The following GALNT2 variants were observed in gnomAD, a reference collection of about 807,000 sequenced individuals.
The protein encoded by GALNT2 is polypeptide N-acetylgalactosaminyltransferase 2.
Under a neutral mutation model 81.4 loss-of-function variants are expected in GALNT2, and 31 were observed. That is an observed-to-expected ratio of 0.38 (90% confidence interval 0.29 to 0.51). GALNT2 has a LOEUF of 0.51. GALNT2 is among the 20% of genes least tolerant of loss of function. The pLI, the probability that GALNT2 is intolerant of heterozygous loss-of-function variation, is 0.87. For synonymous variants in GALNT2, 303 were observed against 287.4 expected (o/e 1.05, Z -0.55); for missense variants, 629 against 765.7 (o/e 0.82, Z 2.11).
At chr1:230,231,343 A>G (rs1664859145) in intron 3 of GALNT2, among the ~76,000 whole-genome samples, 1 of 152,202 alleles carries the variant, frequency 6.6e-6, no homozygotes, top group South Asian at 2.1e-4. Flanking sequence ...GTTGTCACAC[A>G]TTACACAGTA....
intron 1 of GALNT2, among the ~76,000 whole-genome samples, chr1:230,103,402 A>G (rs1660455082): frequency 6.6e-6 from 1 of 152,228 alleles, no homozygotes; most frequent in Admixed American, 6.5e-5. Flanking sequence ...ATAATTAGCC[A>G]CAGTGTTGAG....
intron 3 of GALNT2, among the ~76,000 whole-genome samples, chr1:230,213,288 C>T (rs571001812): frequency 6.6e-6 from 1 of 152,346 alleles, no homozygotes; most frequent in South Asian, 2.1e-4. Flanking sequence ...AACCTAACCA[C>T]CTCTAGACCA....
intron 1 of GALNT2, among the ~76,000 whole-genome samples, chr1:230,095,613 T>G (rs1660231342): frequency 7.9e-6 from 1 of 127,114 alleles, no homozygotes; most frequent in African/African-American, 2.7e-5. Flanking sequence ...GACTCCAGTG[T>G]CCTGTGGTGG....
At chr1:230,276,003 TATATACGTATATATACA>T (rs1666294884) in intron 15 of GALNT2, among the ~76,000 whole-genome samples, 1 of 74,632 alleles carries the variant, frequency 1.3e-5, no homozygotes, top group Non-Finnish European at 2.6e-5. Context: ...ATGCCACATA[TATATACGTATATATACA>T]TGCCACATAT....
intron 1 of GALNT2, among the ~76,000 whole-genome samples, chr1:230,114,694 T>C (rs1308602994): frequency 6.6e-6 from 1 of 152,198 alleles, no homozygotes; most frequent in Non-Finnish European, 1.5e-5. Context: ...GCTCACCTTT[T>C]AGTCTGGTCC....
At position 230,265,363 on chromosome 1, in the gene GALNT2, A is replaced by T. The variant is rs1666004244; in HGVS notation, c.1436A>T (p.Asn479Ile). The T allele has an allele frequency of 3.7e-6, 6 of 1,614,144 alleles. No homozygotes were observed. Among genetic ancestry groups the T allele is most frequent in the Non-Finnish European group, 5.1e-6 (6 of 1,180,026 alleles). Residue 479 changes from asparagine to isoleucine, a missense_variant, in exon 14 of 16, where the codon AAC (asparagine) becomes ATC (isoleucine). Asn to Ile is a moderately radical substitution (Grantham distance 149, BLOSUM62 -3). This residue lies in a region of GALNT2 where 207 missense variants were observed against 225.5 expected (regional missense o/e 0.92). Transcript: ENST00000366672. Reference protein sequence around the residue: ...GVYECHNAGGNQEWALTKEKS... With the variant: ...GVYECHNAGGIQEWALTKEKS... ...TATGAATGTCACAATGCTGGGGGAA[A>T]CCAGGTATGTGCATGGGGAAGCCAG... is the stretch of plus-strand genomic sequence containing the variant.
chr1:230,258,974 A>G (rs1220631456), intron 11 of GALNT2: 1 of 152,218 alleles, frequency 6.6e-6, no homozygotes, highest in East Asian at 1.9e-4. Flanking sequence ...TGTATTCTCA[A>G]GATTTGGAAA....
At position 230,179,399 on chromosome 1, in the gene GALNT2, T is replaced by G. The variant is rs189341369; in HGVS notation, c.220+1088T>G. 5.0e-4 allele frequency among the ~76,000 whole-genome samples: 76 copies of G among 152,328 alleles called. 1 individual carries two copies. Among genetic ancestry groups the G allele is most frequent in the Admixed American group, 2.5e-3 (38 of 15,298 alleles). ...CTAAGTTGTTTTCCAAAGTGGCTGT[T>G]CCATTTTCCATTCCCACCACAGTGA... On this transcript the variant is annotated intron_variant, in intron 2 of 15. Transcript: ENST00000366672.
chr1:230,099,516 G>A (rs938504744), intron 1 of GALNT2, among the ~76,000 whole-genome samples: 24 of 152,132 alleles, frequency 1.6e-4, no homozygotes, highest in African/African-American at 5.3e-4. Context: ...CCTCAGCAAA[G>A]CTCTCCACCT....
chr1:230,074,079 C>T (rs1659457401), intron 1 of GALNT2, among the ~76,000 whole-genome samples: 1 of 142,022 alleles, frequency 7.0e-6, no homozygotes, highest in Admixed American at 7.5e-5. Flanking sequence ...ACTCTGGCAC[C>T]ATTGACATTT....
At chr1:230,142,208 C>A (rs571510817) in intron 1 of GALNT2, among the ~76,000 whole-genome samples, 63 of 152,214 alleles carry the variant, frequency 4.1e-4, no homozygotes, top group Non-Finnish European at 8.7e-4. Context: ...AGCCAGGAAG[C>A]ATGAGGGATG....
intron 3 of GALNT2, among the ~76,000 whole-genome samples, chr1:230,221,286 G>T (rs1664539130): frequency 6.6e-6 from 1 of 152,050 alleles, no homozygotes; most frequent in African/African-American, 2.4e-5. Context: ...CTAGCTCTCT[G>T]GTAATGGACT....
rs1440215881 is a variant in GALNT2, at chr1:230,281,173, C to T, written c.*1715C>T. The T allele has an allele frequency of 6.6e-6, 1 of 152,302 alleles. No individual in the cohort carries two copies. Among genetic ancestry groups the T allele is most frequent in the African/African-American group, 2.4e-5 (1 of 41,452 alleles). 9.4% of individuals were successfully genotyped at this position (152,302 alleles called of 1,614,324 possible). ...TCCCTGTGTCTTGTATGAAAGGGGCCACTGTGTGTCTTCCTCCCCGGCGGG... is the reference window on the plus strand; with the variant it reads ...TCCCTGTGTCTTGTATGAAAGGGGCTACTGTGTGTCTTCCTCCCCGGCGGG... On this transcript the variant is annotated 3_prime_UTR_variant, in exon 16 of 16. Coordinates refer to ENST00000366672, the MANE Select transcript of GALNT2 (RefSeq NM_004481.5).
At chr1:230,115,051 G>C (rs919646057) in intron 1 of GALNT2, among the ~76,000 whole-genome samples, 1 of 140,784 alleles carries the variant, frequency 7.1e-6, no homozygotes, top group Non-Finnish European at 1.5e-5. Context: ...TGTCACCCAG[G>C]CTGGAGTGCA....
In GALNT2 at chr1:230,141,610, G is replaced by A. The variant is rs191326715; in HGVS notation, c.127-36608G>A. ...CCTCAGGGTTCATCCATGTTGTAGCGCGCGTCAGAGTTTTCTCCCTATTTA... is the reference window on the plus strand; with the variant it reads ...CCTCAGGGTTCATCCATGTTGTAGCACGCGTCAGAGTTTTCTCCCTATTTA... On this transcript the variant is annotated intron_variant, in intron 1 of 15. Coordinates refer to ENST00000366672, the MANE Select transcript of GALNT2 (RefSeq NM_004481.5). 2.9e-3 allele frequency among the ~76,000 whole-genome samples: 439 copies of A among 152,024 alleles called. 5 individuals carry two copies. Among genetic ancestry groups the A allele is most frequent in the African/African-American group, 8.9e-3 (367 of 41,454 alleles).
chr1:230,101,985 C>T (rs747577801), intron 1 of GALNT2, among the ~76,000 whole-genome samples: 1 of 152,224 alleles, frequency 6.6e-6, no homozygotes, highest in Non-Finnish European at 1.5e-5. Flanking sequence ...AATTAGCTCT[C>T]CTCTTTGTTT....
intron 1 of GALNT2, among the ~76,000 whole-genome samples, chr1:230,058,825 G>A (rs1205481399): frequency 1.3e-5 from 2 of 152,168 alleles, no homozygotes; most frequent in South Asian, 4.1e-4. Flanking sequence ...GTGTCACTAA[G>A]AGCTGCTCAC....
chr1:230,262,385 G>C, intron 11 of GALNT2, 188 bp from the exon 12 acceptor site: 1 of 566,458 alleles, frequency 1.8e-6, no homozygotes. Flanking sequence ...GCTGAGGCTG[G>C]CTCCCCACAG....
intron 1 of GALNT2, among the ~76,000 whole-genome samples, chr1:230,075,121 C>CTTTT (rs34482749): frequency 0.02 from 1,873 of 92,490 alleles, 37 homozygotes; most frequent in Non-Finnish European, 0.028. Context: ...GTCTGTTTTG[C>CTTTT]TTTTTTTTTT....
Sources: allele counts gnomAD v4.1 joint callset (sites outside exome capture counted in the v4.1 genomes callset), GRCh38; gene constraint gnomAD v4.1.1; regional missense constraint gnomAD v4.1.1; transcripts MANE v1.5; gene names NCBI Gene and HGNC (gene_info 2026-07-23, HGNC 2026-07-21).